The following KIR3DL2 variants were observed in gnomAD, a reference collection of about 807,000 sequenced individuals.
The protein encoded by KIR3DL2 is killer cell immunoglobulin like receptor, three Ig domains and long cytoplasmic tail 2.
A neutral mutation model predicts 41.6 loss-of-function variants in KIR3DL2; 42 were observed. The observed-to-expected ratio is 1.01, with a 90% confidence interval of 0.79 to 1.31. The LOEUF is 1.31. Ranked by LOEUF, KIR3DL2 falls within the 50% of genes most tolerant of loss-of-function variation. KIR3DL2 has a pLI of 0.00. For synonymous variants in KIR3DL2, 230 were observed against 221.3 expected (o/e 1.04, Z -0.35); for missense variants, 728 against 576.8 (o/e 1.26, Z -2.68).
Position 54,865,903 on chromosome 19 carries a change from A to G in KIR3DL2, c.1099A>G (p.Lys367Glu). 1 of 1,611,852 alleles carries G rather than the reference A, an allele frequency of 6.2e-7. No individual in the cohort carries two copies. Among genetic ancestry groups the G allele is most frequent in the Non-Finnish European group, 8.5e-7 (1 of 1,178,336 alleles). ...TCTCCTTTATCGCTGGTGCTCCAAC[A>G]AAAAGAGTAAGTCTCACGAAGCAGA... ...FFLLYRWCSN[K>E]KNAAVMDQEP... Residue 367 changes from lysine (K) to glutamate (E), a missense_variant, in exon 7 of 9, where the codon AAA becomes GAA. Physicochemically the swap from Lys to Glu is moderately conservative, Grantham distance 56 (BLOSUM62 1). Transcript: ENST00000326321.
intron 6 of KIR3DL2, among the ~76,000 whole-genome samples, chr19:54,864,913 A>AGAGG (rs879808631): frequency 8.5e-5 from 13 of 152,192 alleles, no homozygotes; most frequent in Admixed American, 8.5e-4. Flanking sequence ...GAGTGGTGAA[A>AGAGG]GAGGGCATCC....
intron 5 of KIR3DL2, 113 bp downstream of exon 5, chr19:54,856,025 G>C: frequency 1.5e-6 from 2 of 1,306,578 alleles, no homozygotes; most frequent in Non-Finnish European, 2.1e-6. Flanking sequence ...CACGAAGACT[G>C]GGTGTGAGGG....
chr19:54,854,959 T>A (rs1408667994), intron 4 of KIR3DL2, among the ~76,000 whole-genome samples: 1 of 151,388 alleles, frequency 6.6e-6, no homozygotes, highest in South Asian at 2.1e-4. Context: ...GATAGATAGA[T>A]ATAGATAGAT....
rs2064214205 is a variant in KIR3DL2 at position 54,851,320 on chromosome 19, G to A, written c.70+65G>A. The A allele has an allele frequency of 5.8e-6, 9 of 1,539,508 alleles. No individual in the cohort carries two copies. In the Admixed American group the frequency reaches 1.5e-4, roughly 26 times the overall value. On this transcript the variant is annotated intron_variant, in intron 2 of 8. Transcript: ENST00000326321. ...ATAAGAGGATTTTTCTGAAACAGGA[G>A]GGAAGTCCTGTCGGGGAGTCTCTCA...
At chr19:54,863,131 C>T (rs144301020) in intron 6 of KIR3DL2, among the ~76,000 whole-genome samples, 9,774 of 149,912 alleles carry the variant, frequency 0.065, 376 homozygotes, top group East Asian at 0.093. Flanking sequence ...TTGTGATAGT[C>T]TACTGAGAAT....
intron 4 of KIR3DL2, among the ~76,000 whole-genome samples, chr19:54,854,296 T>TCAGA (rs1011748514): frequency 1.3e-5 from 2 of 151,642 alleles, no homozygotes; most frequent in Non-Finnish European, 2.9e-5. Context: ...AAGGAGACAC[T>TCAGA]CAGACAGACA....
chr19:54,851,940 G>A lies in KIR3DL2; in HGVS notation c.71-58G>A, dbSNP rs1338111515. 3.9e-5 allele frequency: 61 copies of A among 1,582,412 alleles called. No individual in the cohort carries two copies. In the African/African-American group the frequency reaches 5.6e-4, roughly 15 times the overall value. ...GAAATGGGAGAATCTTCTGAGCACAGGGAGGGAGGGGTGGCTCCACATCCT... is the reference window on the plus strand; with the variant it reads ...GAAATGGGAGAATCTTCTGAGCACAAGGAGGGAGGGGTGGCTCCACATCCT... On this transcript the variant is annotated intron_variant, in intron 2 of 8. Transcript: ENST00000326321.
intron 5 of KIR3DL2, among the ~76,000 whole-genome samples, chr19:54,858,356 T>C (rs1482314469): frequency 6.6e-6 from 1 of 151,000 alleles, no homozygotes; most frequent in East Asian, 1.9e-4. Flanking sequence ...TTCCTCTGCA[T>C]GTAGATATCC....
intron 5 of KIR3DL2, among the ~76,000 whole-genome samples, 166 bp downstream of exon 5, chr19:54,856,078 C>CCCT (rs373209798): frequency 1.5e-4 from 22 of 151,500 alleles, no homozygotes; most frequent in African/African-American, 5.1e-4. Flanking sequence ...CCTCCAAACC[C>CCCT]TCTTGCATGG....
chr19:54,853,116 TAATTAATC>T (rs1204244018), intron 3 of KIR3DL2, among the ~76,000 whole-genome samples: 2 of 151,354 alleles, frequency 1.3e-5, no homozygotes, highest in Non-Finnish European at 2.9e-5. Context: ...AAAAATAAAT[TAATTAATC>T]AATTAATTAA....
At chr19:54,855,063 G>GATAT (rs2064629710) in intron 4 of KIR3DL2, among the ~76,000 whole-genome samples, 1 of 149,994 alleles carries the variant, frequency 6.7e-6, no homozygotes, top group Admixed American at 6.6e-5. Flanking sequence ...TGATGATGAA[G>GATAT]ATAGATAGAA....
In KIR3DL2 at chr19:54,852,215, G is replaced by C. The variant is rs1447647418; in HGVS notation, c.288G>C (p.Arg96=). 2.5e-6 allele frequency: 4 copies of C among 1,611,802 alleles called. No individual in the cohort carries two copies. The highest frequency in any genetic ancestry group is 1.7e-5 in the Admixed American group (1 of 59,910). The part of the protein sequence containing the change: ...TPAHAGTYRC[R]GSRPHSLTGW... ...CACATGCAGGGACCTACAGATGTCG[G>C]GGTTCACGCCCACACTCCCTCACTG... Residue 96 remains arginine, a synonymous_variant, in exon 3 of 9, where the codon CGG becomes CGC. Transcript: ENST00000326321.
At chr19:54,865,428 C>T (rs1437559822) in intron 6 of KIR3DL2, among the ~76,000 whole-genome samples, 1 of 151,994 alleles carries the variant, frequency 6.6e-6, no homozygotes, top group Non-Finnish European at 1.5e-5. Context: ...ACAACCAGCC[C>T]TCCGGGAACT....
chr19:54,860,020 A>T (rs2065063748), intron 6 of KIR3DL2, among the ~76,000 whole-genome samples: 1 of 151,928 alleles, frequency 6.6e-6, no homozygotes, highest in Non-Finnish European at 1.5e-5. Flanking sequence ...TGGGGATTCT[A>T]TTGGGTTCAC....
In KIR3DL2 at chr19:54,853,950, C is replaced by A. The variant is rs1335628589; in HGVS notation, c.559C>A (p.Pro187Thr). The A allele has an allele frequency of 6.2e-7, 1 of 1,613,404 alleles. No homozygotes were observed. The change falls in exon 4 of 9, where the codon CCT (proline) becomes ACT (threonine). Residue 187 changes from proline to threonine, a missense_variant. Coordinates refer to ENST00000326321, the MANE Select transcript of KIR3DL2 (RefSeq NM_006737.4). ...KANFSIGPLM[P>T]VLAGTYRCYG... ...CAACTTCTCCATCGGTCCCTTGATG[C>A]CTGTCCTTGCAGGAACCTACAGATG...
Position 54,855,549 on chromosome 19 carries a change from T to C in KIR3DL2, c.656-70T>C, listed in dbSNP as rs1325603577. 54 of 1,567,960 alleles carry C rather than the reference T, an allele frequency of 3.4e-5. 1 individual carries two copies. The Middle Eastern group carries it at 1.2e-3, about 36-fold the overall frequency. On this transcript the variant is annotated intron_variant, in intron 4 of 8. Coordinates refer to ENST00000326321, the MANE Select transcript of KIR3DL2 (RefSeq NM_006737.4). Reference sequence around the variant, plus strand: ...GGTCATAGAGCAGGGGAGTGAGTTCTCAGCTCAGGTATGAGGGGAGCTGTG... The same window carrying C: ...GGTCATAGAGCAGGGGAGTGAGTTCCCAGCTCAGGTATGAGGGGAGCTGTG...
intron 6 of KIR3DL2, among the ~76,000 whole-genome samples, chr19:54,863,101 C>T (rs1392149789): frequency 3.5e-5 from 5 of 143,352 alleles, no homozygotes; most frequent in African/African-American, 5.2e-5. Context: ...TGAGAACATG[C>T]GGTGTTTGGA....
At chr19:54,865,571 G>A (rs1569527412) in intron 6 of KIR3DL2, among the ~76,000 whole-genome samples, 1 of 152,024 alleles carries the variant, frequency 6.6e-6, no homozygotes, top group Non-Finnish European at 1.5e-5. Flanking sequence ...CAATATTTCA[G>A]TGTGAGGTTT....
chr19:54,851,875 A>G, intron 2 of KIR3DL2, 123 bp from the exon 3 acceptor site: 1 of 1,209,978 alleles, frequency 8.3e-7, no homozygotes, highest in Non-Finnish European at 1.2e-6. Flanking sequence ...TCCTTCCTGT[A>G]GCCCTGGGCA....
Sources: allele counts gnomAD v4.1 joint callset (sites outside exome capture counted in the v4.1 genomes callset), GRCh38; gene constraint gnomAD v4.1.1; transcripts MANE v1.5; gene names NCBI Gene and HGNC (gene_info 2026-07-23, HGNC 2026-07-21).